DCAF13: variants seen among roughly 807,000 people sequenced by gnomAD.
DCAF13 encodes the protein DDB1 and CUL4 associated factor 13.
DCAF13 carries 38 observed loss-of-function variants against 59.0 expected under a neutral mutation model. The observed-to-expected ratio is 0.64, with a 90% CI of 0.50 to 0.84. The LOEUF (loss-of-function observed/expected upper bound fraction) is 0.84, where lower values mean the gene tolerates loss of function less well. Among genes scored for constraint, DCAF13 ranks in the 40% least tolerant of loss-of-function variants. The pLI is 0.00. For synonymous variants in DCAF13, 173 were observed against 175.0 expected, an observed-to-expected ratio of 0.99 and a Z score of 0.09; for missense variants, 469 against 558.4, an observed-to-expected ratio of 0.84 and a Z score of 1.61.
intron 1 of DCAF13, among the ~76,000 whole-genome samples, chr8:103,419,335 C>G (rs1279245848): frequency 6.6e-6 from 1 of 152,144 alleles, no homozygotes; most frequent in East Asian, 1.9e-4. Context: ...GTTTTCCCAT[C>G]AATAAAGTGT....
chr8:103,418,824 T>TTTTATA (rs1372895913), intron 1 of DCAF13, among the ~76,000 whole-genome samples: 8 of 41,394 alleles, frequency 1.9e-4, no homozygotes, highest in Non-Finnish European at 3.5e-4. Flanking sequence ...CTAAGCATAA[T>TTTTATA]TATATATATA....
rs1292688369 is a variant in DCAF13 at position 103,415,609 on chromosome 8, C to T, written c.70+93C>T. On this transcript the variant is annotated intron_variant, in intron 1 of 10. Transcript: ENST00000612750. ...GGAGTAAAGCCGGGGGAGGCTGGCA[C>T]TCTGGTCTGGTTCTTTCTCAGTTAC... is the stretch of plus-strand genomic sequence containing the variant. 2.0e-5 allele frequency: 25 copies of T among 1,269,510 alleles called. No homozygotes were observed. The South Asian group carries it at 3.5e-4, about 18-fold the overall frequency. The allele number at this position is 1,269,510 out of a possible 1,614,324, so 78.6% of individuals were successfully genotyped here. A position where few individuals can be genotyped will look rare whatever the true frequency, so the allele number is the denominator to read the frequency against.
intron 7 of DCAF13, 67 bp from the exon 8 acceptor site, chr8:103,435,559 A>G (rs1031410201): frequency 1.1e-5 from 14 of 1,290,746 alleles, no homozygotes; most frequent in African/African-American, 1.5e-5. Flanking sequence ...TTTCAGTGGT[A>G]TCTTTTAGTA....
In DCAF13 at chr8:103,418,842, A is replaced by ATT. The variant is rs1563723990; in HGVS notation, c.71-1421_71-1420insTT. Among the ~76,000 whole-genome samples, 5 of 13,740 alleles carry ATT rather than the reference A, an allele frequency of 3.6e-4. No homozygotes were observed. The East Asian group carries it at 0.01, about 27-fold the overall frequency. 9.0% of individuals were successfully genotyped at this position (13,740 alleles called of 152,430 possible). A position where few individuals can be genotyped will look rare whatever the true frequency, so the allele number is the denominator to read the frequency against. On this transcript the variant is annotated intron_variant, in intron 1 of 10. Coordinates refer to ENST00000612750, the MANE Select transcript of DCAF13 (RefSeq NM_015420.7). ...AGCATAATTATATATATATATATAT[A>ATT]TATATATATATATATATATATATAT... is the stretch of plus-strand genomic sequence containing the variant.
At position 103,415,517 on chromosome 8, in the gene DCAF13, GTAAGA is replaced by G; in HGVS notation, c.70+6_70+10del. 1.9e-6 allele frequency: 3 copies of G among 1,603,746 alleles called. No homozygotes were observed. The highest frequency in any genetic ancestry group is 2.6e-6 in the Non-Finnish European group (3 of 1,173,216). Reference sequence around the variant, plus strand: ...GAAACCAAGTTGGACTTACAGAGAGGTAAGATAAGTTGGTAGGGAGAAAGGGACGG... The same window carrying G: ...GAAACCAAGTTGGACTTACAGAGAGGTAAGTTGGTAGGGAGAAAGGGACGG... On this transcript the variant is annotated splice_donor_variant and splice_donor_5th_base_variant and intron_variant, in intron 1 of 10. Coordinates refer to ENST00000612750, the MANE Select transcript of DCAF13 (RefSeq NM_015420.7). LOFTEE classifies it high-confidence loss of function.
At chr8:103,436,868 A>G (rs1286676262) in intron 8 of DCAF13, among the ~76,000 whole-genome samples, 1 of 152,204 alleles carries the variant, frequency 6.6e-6, no homozygotes, top group African/African-American at 2.4e-5. Flanking sequence ...TAATTGGATG[A>G]TCATGGTCAT....
intron 5 of DCAF13, chr8:103,427,719 G>T (rs969718767): frequency 6.4e-6 from 1 of 155,606 alleles, no homozygotes; most frequent in Non-Finnish European, 1.4e-5. Context: ...GAACTGCATG[G>T]TAATTAGTTA....
chr8:103,434,183 A>T (rs980256331), intron 7 of DCAF13, among the ~76,000 whole-genome samples: 1 of 152,084 alleles, frequency 6.6e-6, no homozygotes, highest in Non-Finnish European at 1.5e-5. Flanking sequence ...GTCATTCTGA[A>T]TTAGAAACCT....
chr8:103,431,475 A>G (rs865838057), intron 6 of DCAF13, among the ~76,000 whole-genome samples: 1 of 152,212 alleles, frequency 6.6e-6, no homozygotes, highest in Non-Finnish European at 1.5e-5. Context: ...CGTAACAACT[A>G]GATATTAGGA....
At chr8:103,417,982 G>A (rs1381796282) in intron 1 of DCAF13, among the ~76,000 whole-genome samples, 1 of 151,866 alleles carries the variant, frequency 6.6e-6, no homozygotes, top group African/African-American at 2.4e-5. Context: ...AAATAAATTA[G>A]CCGGGCATGG....
chr8:103,434,448 G>A (rs3098225), intron 7 of DCAF13, among the ~76,000 whole-genome samples: 34,200 of 151,944 alleles, frequency 0.23, 3,956 homozygotes, highest in East Asian at 0.34. Context: ...CTGGAACCAA[G>A]CAAACCTAGC....
chr8:103,442,255 G>A (rs1349524626), intron 10 of DCAF13: 1 of 152,240 alleles, frequency 6.6e-6, no homozygotes, highest in Non-Finnish European at 1.5e-5. Flanking sequence ...AATTTCTGAT[G>A]TAGCTGGAAT....
chr8:103,417,857 C>T (rs1708208735), intron 1 of DCAF13, among the ~76,000 whole-genome samples: 1 of 150,020 alleles, frequency 6.7e-6, no homozygotes, highest in Non-Finnish European at 1.5e-5. Flanking sequence ...CAGTGGCTCA[C>T]GCCTGTAATC....
rs761894129 is a variant in DCAF13, at chr8:103,432,719, A to G, written c.763A>G (p.Thr255Ala). Reference protein sequence around the residue: ...CWNPMEAFIFTAANEDYNLYT... With the variant: ...CWNPMEAFIFAAANEDYNLYT... ...GAACCCTATGGAAGCTTTCATTTTTACAGCAGCAAATGAAGATTATAAGTA... is the reference window on the plus strand; with the variant it reads ...GAACCCTATGGAAGCTTTCATTTTTGCAGCAGCAAATGAAGATTATAAGTA... Residue 255 changes from threonine (T) to alanine (A), a missense_variant, in exon 7 of 11, where the codon ACA becomes GCA. Around this residue, in one of 3 missense-constraint regions of DCAF13, gnomAD observed 355 missense variants for 399.1 expected, o/e 0.89. Coordinates refer to ENST00000612750, the MANE Select transcript of DCAF13 (RefSeq NM_015420.7). 1.1e-5 allele frequency: 17 copies of G among 1,600,838 alleles called. No individual in the cohort carries two copies. The African/African-American group carries it at 2.3e-4, about 21-fold the overall frequency.
intron 1 of DCAF13, among the ~76,000 whole-genome samples, chr8:103,416,940 G>A (rs939366938): frequency 3.3e-5 from 5 of 152,194 alleles, no homozygotes; most frequent in Non-Finnish European, 7.4e-5. Context: ...TGACATCAGA[G>A]TAGATAGAAA....
At chr8:103,423,408 T>C (rs892164166) in intron 3 of DCAF13, among the ~76,000 whole-genome samples, 1 of 152,116 alleles carries the variant, frequency 6.6e-6, no homozygotes, top group African/African-American at 2.4e-5. Context: ...ACTTGCAGCA[T>C]ACATGAATGA....
intron 6 of DCAF13, among the ~76,000 whole-genome samples, 195 bp downstream of exon 6, chr8:103,430,884 G>T (rs1450891357): frequency 6.6e-6 from 1 of 152,084 alleles, no homozygotes; most frequent in Non-Finnish European, 1.5e-5. Flanking sequence ...TTAAATTTCT[G>T]CTAGGTATTG....
chr8:103,438,738 C>A (rs1020587532), intron 8 of DCAF13, among the ~76,000 whole-genome samples: 1 of 152,060 alleles, frequency 6.6e-6, no homozygotes, highest in Non-Finnish European at 1.5e-5. Flanking sequence ...TTGATTTAGT[C>A]ATTCTGTTTG....
chr8:103,425,164 GAT>G (rs1438662916), intron 3 of DCAF13, among the ~76,000 whole-genome samples: 1 of 152,114 alleles, frequency 6.6e-6, no homozygotes, highest in South Asian at 2.1e-4. Flanking sequence ...TCAAAAAGTG[GAT>G]ATAGATTGCA....
Sources: allele counts gnomAD v4.1 joint callset (sites outside exome capture counted in the v4.1 genomes callset), GRCh38; gene constraint gnomAD v4.1.1; regional missense constraint gnomAD v4.1.1; transcripts MANE v1.5; gene names NCBI Gene and HGNC (gene_info 2026-07-23, HGNC 2026-07-21).